C14orf39: variants seen among roughly 807,000 people sequenced by gnomAD.
The protein encoded by C14orf39 is protein SIX6OS1.
Under a neutral mutation model 85.6 loss-of-function variants are expected in C14orf39, and 66 were observed. The observed-to-expected ratio is 0.77, with a 90% CI of 0.63 to 0.95. C14orf39 has a LOEUF of 0.95. Ranked by LOEUF, C14orf39 falls within the 40% of genes least tolerant of loss-of-function variation. C14orf39 has a pLI of 0.00. For missense variants in C14orf39, 735 were observed against 663.9 expected (o/e 1.11, Z -1.18); for synonymous variants, 242 against 214.0 (o/e 1.13, Z -1.14).
chr14:60,514,887 G>T (rs1233825952), intron 1 of C14orf39, among the ~76,000 whole-genome samples: 1 of 152,214 alleles, frequency 6.6e-6, no homozygotes, highest in East Asian at 1.9e-4. Context: ...CCGTGAATGG[G>T]GGGTCTGTGG....
chr14:60,496,110 A>T, intron 2 of C14orf39: 1 of 577,326 alleles, frequency 1.7e-6, no homozygotes, highest in Non-Finnish European at 3.2e-6. Context: ...GAGCAAAGCC[A>T]CAGCTGCAGA....
chr14:60,454,088 A>G (rs1177741418), intron 16 of C14orf39, among the ~76,000 whole-genome samples: 5 of 151,886 alleles, frequency 3.3e-5, no homozygotes, highest in African/African-American at 1.2e-4. Context: ...CTTGTTTTTA[A>G]AATAAGCATT....
chr14:60,462,346 G>A (rs566646805), intron 11 of C14orf39, among the ~76,000 whole-genome samples: 13 of 152,134 alleles, frequency 8.5e-5, no homozygotes, highest in East Asian at 1.9e-4. Context: ...CCATGATCGC[G>A]CCACTACACT....
At chr14:60,493,124 C>T (rs946748987) in intron 2 of C14orf39, among the ~76,000 whole-genome samples, 1 of 152,148 alleles carries the variant, frequency 6.6e-6, no homozygotes, top group Non-Finnish European at 1.5e-5. Flanking sequence ...AAGGCATTGG[C>T]ATACTTGGGG....
intron 14 of C14orf39, among the ~76,000 whole-genome samples, chr14:60,457,849 C>G (rs940044952): frequency 6.6e-6 from 1 of 151,926 alleles, no homozygotes; most frequent in African/African-American, 2.4e-5. Flanking sequence ...TTTATGGCAA[C>G]CACTGCTCTT....
chr14:60,510,937 C>A (rs1345031913), intron 1 of C14orf39: 5 of 807,714 alleles, frequency 6.2e-6, no homozygotes, highest in Non-Finnish European at 9.8e-6. Context: ...CGACCTCTGT[C>A]GCCTTGCCGA....
upstream of C14orf39, among the ~76,000 whole-genome samples, chr14:60,487,754 A>G (rs1339460885): frequency 6.6e-6 from 1 of 152,162 alleles, no homozygotes; most frequent in Non-Finnish European, 1.5e-5. Context: ...AAGAGTGTAC[A>G]ACTTTTCCTT....
chr14:60,509,091 C>A (rs1475594763), intron 1 of C14orf39: 6 of 450,020 alleles, frequency 1.3e-5, no homozygotes, highest in South Asian at 7.0e-5. Flanking sequence ...GGCAGAGCCA[C>A]CCGGTGACTG....
chr14:60,472,583 G>A (rs947402972), intron 5 of C14orf39, among the ~76,000 whole-genome samples: 3 of 152,074 alleles, frequency 2.0e-5, no homozygotes, highest in Non-Finnish European at 2.9e-5. Flanking sequence ...CCCGGGGTGT[G>A]ATGTTCCCCT....
Position 60,497,324 on chromosome 14 carries a change from T to C in C14orf39, c.-9+1972A>G, listed in dbSNP as rs528371293. Among the ~76,000 whole-genome samples, 18 of 152,310 alleles carry C rather than the reference T, an allele frequency of 1.2e-4. No individual in the cohort carries two copies. In the South Asian group the frequency reaches 3.7e-3, roughly 32 times the overall value. On this transcript the variant is annotated intron_variant, in intron 2 of 5. Coordinates refer to the C14orf39 transcript ENST00000556799. ...AACACAGTTTTAATTCTCTATTATT[T>C]GTGTAATTATCGTATAAATATCTAT...
At chr14:60,449,820 T>G (rs572057218) in intron 16 of C14orf39, among the ~76,000 whole-genome samples, 109 of 152,368 alleles carry the variant, frequency 7.2e-4, no homozygotes, top group Non-Finnish European at 1.4e-3. Context: ...TTCTTTTTAT[T>G]ATGTAATTAT....
intron 16 of C14orf39, among the ~76,000 whole-genome samples, chr14:60,448,355 A>G (rs1250713905): frequency 6.6e-6 from 1 of 151,348 alleles, no homozygotes; most frequent in Non-Finnish European, 1.5e-5. Flanking sequence ...AAGAAAAAAA[A>G]TAAAAAAGTG....
intron 15 of C14orf39, among the ~76,000 whole-genome samples, chr14:60,456,616 CT>C (rs1488799163): frequency 1.3e-5 from 2 of 151,830 alleles, no homozygotes; most frequent in African/African-American, 2.4e-5. Context: ...CACACTATTG[CT>C]TTATAAGTAC....
chr14:60,452,161 C>T (rs1324705387), intron 16 of C14orf39, among the ~76,000 whole-genome samples: 1 of 135,156 alleles, frequency 7.4e-6, no homozygotes, highest in African/African-American at 2.8e-5. Context: ...GCAAAGACTC[C>T]ATCTCAAAAA....
chr14:60,512,755 A>G (rs1893313296), intron 1 of C14orf39: 1 of 152,260 alleles, frequency 6.6e-6, no homozygotes, highest in Admixed American at 6.5e-5. Context: ...AACATCTACC[A>G]TCTTTGCACT....
At chr14:60,514,939 C>A (rs1054172036) in intron 1 of C14orf39, among the ~76,000 whole-genome samples, 1 of 152,118 alleles carries the variant, frequency 6.6e-6, no homozygotes, top group African/African-American at 2.4e-5. Context: ...GTAATCAGGG[C>A]TAATGACGGC....
chr14:60,459,927 T>C (rs1891444082), intron 13 of C14orf39, among the ~76,000 whole-genome samples: 1 of 151,756 alleles, frequency 6.6e-6, no homozygotes, highest in South Asian at 2.1e-4. Flanking sequence ...ATGGTATCTT[T>C]TGATAAACAG....
chr14:60,445,040 G>A (rs1215328746), intron 16 of C14orf39, among the ~76,000 whole-genome samples: 1 of 152,038 alleles, frequency 6.6e-6, no homozygotes, highest in East Asian at 1.9e-4. Flanking sequence ...TCACCACCAG[G>A]CCTGCCTTAC....
rs1463616894 is a variant in C14orf39 at position 60,491,742 on chromosome 14, T to C, written c.-8-6656A>G. Among the ~76,000 whole-genome samples, 1 of 152,184 alleles carries C rather than the reference T, an allele frequency of 6.6e-6. No homozygotes were observed. The highest frequency in any genetic ancestry group is 1.5e-5 in the Non-Finnish European group (1 of 68,024). On this transcript the variant is annotated intron_variant, in intron 2 of 5. Coordinates refer to the C14orf39 transcript ENST00000556799. This position sits in a 1 kb window ranked among gnomAD's most constrained non-coding sequence, Gnocchi z 4.5. The stretch of plus-strand genomic sequence containing the variant: ...CAAACTGGTTTTGCCACATATCTAC[T>C]CTAGCCCTCTTGCCCATTCTCTCTC...
Sources: allele counts gnomAD v4.1 joint callset (sites outside exome capture counted in the v4.1 genomes callset), GRCh38; gene constraint gnomAD v4.1.1; non-coding constraint Gnocchi (gnomAD v3.1); transcripts MANE v1.5; gene names NCBI Gene and HGNC (gene_info 2026-07-23, HGNC 2026-07-21).